DOCK4: variants seen among roughly 807,000 people sequenced by gnomAD.
DOCK4 encodes the protein dedicator of cytokinesis 4, also known as dedicator of cytokinesis protein 4.
Under a neutral mutation model 268.1 loss-of-function variants are expected in DOCK4, and 97 were observed. That is an observed-to-expected ratio of 0.36 (90% CI 0.31 to 0.43). The LOEUF (loss-of-function observed/expected upper bound fraction) is 0.43, where lower values mean the gene tolerates loss of function less well. Ranked by LOEUF, DOCK4 falls within the 20% of genes least tolerant of loss-of-function variation. The pLI, the probability that DOCK4 is intolerant of heterozygous loss-of-function variation, is 1.00. For synonymous variants in DOCK4, 954 were observed against 887.2 expected (o/e 1.08, Z -1.34); for missense variants, 2,145 against 2,455.7 (o/e 0.87, Z 2.67).
At chr7:112,004,807 G>C (rs868555743) in intron 1 of DOCK4, among the ~76,000 whole-genome samples, 1 of 152,106 alleles carries the variant, frequency 6.6e-6, no homozygotes, top group African/African-American at 2.4e-5. Flanking sequence ...CTTGGAATGG[G>C]GAGGGGGATC....
Position 111,732,261 on chromosome 7 carries a change from C to T in DOCK4, c.5446G>A (p.Val1816Ile). The change falls in exon 52 of 53, where the codon GTA becomes ATA. Residue 1816 changes from valine to isoleucine, a missense_variant. By Grantham distance (29) the Val-to-Ile change is conservative. Around this residue, in one of 2 missense-constraint regions of DOCK4, gnomAD observed 547 missense variants for 469.0 expected, o/e 1.17. Transcript: ENST00000428084. The stretch of plus-strand genomic sequence containing the variant: ...GATCGCCCGGCAGGCGAGGGGGATA[C>T]TGATGTCGTGTGTCTTGCTGGTGAA... ...TASPARHTTS[V>I]SPSPAGRSPL... 6.2e-7 allele frequency: 1 copy of T among 1,614,018 alleles called. No individual in the cohort carries two copies. The highest frequency in any genetic ancestry group is 8.5e-7 in the Non-Finnish European group (1 of 1,179,892).
At chr7:111,969,421 C>G (rs1797513436) in intron 8 of DOCK4, among the ~76,000 whole-genome samples, 1 of 137,042 alleles carries the variant, frequency 7.3e-6, no homozygotes, top group Admixed American at 6.9e-5. Context: ...AAAATAAACT[C>G]ATTTTTTCTA....
chr7:112,105,491 A>G (rs1811056930), intron 1 of DOCK4, among the ~76,000 whole-genome samples: 1 of 151,870 alleles, frequency 6.6e-6, no homozygotes, highest in Non-Finnish European at 1.5e-5. Flanking sequence ...CATTGTAACT[A>G]TATGAGTTAA....
At chr7:111,802,551 CTG>C (rs1381344978) in intron 30 of DOCK4, among the ~76,000 whole-genome samples, 3 of 152,180 alleles carry the variant, frequency 2.0e-5, no homozygotes, top group South Asian at 4.1e-4. Flanking sequence ...TCTCCCATGC[CTG>C]AGCTGGTAGA....
intron 35 of DOCK4, among the ~76,000 whole-genome samples, chr7:111,778,975 A>G (rs1351864317): frequency 6.6e-6 from 1 of 152,108 alleles, no homozygotes; most frequent in Non-Finnish European, 1.5e-5. Flanking sequence ...GAATCGCTTG[A>G]ACCCAGGAGG....
intron 10 of DOCK4, among the ~76,000 whole-genome samples, chr7:111,940,557 C>G (rs1295021605): frequency 2.0e-5 from 3 of 152,176 alleles, no homozygotes; most frequent in Admixed American, 2.0e-4. Flanking sequence ...AGGAAGTTCA[C>G]GTCACTAAAG....
At chr7:111,889,977 C>T (rs973714192) in intron 16 of DOCK4, among the ~76,000 whole-genome samples, 23 of 152,100 alleles carry the variant, frequency 1.5e-4, no homozygotes, top group African/African-American at 5.6e-4. Flanking sequence ...TTACAAAACC[C>T]CAACTTCTCC....
intron 25 of DOCK4, among the ~76,000 whole-genome samples, chr7:111,838,409 TC>T (rs1803405679): frequency 6.6e-6 from 1 of 152,116 alleles, no homozygotes; most frequent in Non-Finnish European, 1.5e-5. Flanking sequence ...AACTCAAATG[TC>T]TACCAAGAGG....
intron 21 of DOCK4, among the ~76,000 whole-genome samples, chr7:111,868,986 G>C (rs1424522549): frequency 6.6e-6 from 1 of 152,096 alleles, no homozygotes; most frequent in African/African-American, 2.4e-5. Flanking sequence ...TCAACAACAG[G>C]AATCAGAAGA....
At chr7:112,069,167 C>T (rs1258794689) in intron 1 of DOCK4, among the ~76,000 whole-genome samples, 3 of 152,138 alleles carry the variant, frequency 2.0e-5, no homozygotes, top group Admixed American at 6.6e-5. Flanking sequence ...TACACCAAGC[C>T]GTCTACGTAA....
chr7:112,138,718 A>G (rs1172136509), intron 1 of DOCK4, among the ~76,000 whole-genome samples: 2 of 152,070 alleles, frequency 1.3e-5, no homozygotes, highest in African/African-American at 2.4e-5. Flanking sequence ...CTAACCCCCA[A>G]TGTGACAGTT....
At chr7:111,809,517 C>T (rs1057226284) in intron 28 of DOCK4, 116 bp from the exon 29 acceptor site, 1 of 784,320 alleles carries the variant, frequency 1.3e-6, no homozygotes, top group East Asian at 2.7e-5. Context: ...TGAAGTAAGA[C>T]TGACCATGAG....
intron 8 of DOCK4, among the ~76,000 whole-genome samples, chr7:111,958,716 T>TATA (rs1416264016): frequency 1.3e-5 from 2 of 152,192 alleles, no homozygotes; most frequent in Non-Finnish European, 2.9e-5. Context: ...CACCTATTAT[T>TATA]ATAATAACAC....
intron 1 of DOCK4, among the ~76,000 whole-genome samples, chr7:112,057,770 G>A (rs1487278690): frequency 6.6e-6 from 1 of 151,554 alleles, no homozygotes; most frequent in Non-Finnish European, 1.5e-5. Flanking sequence ...GCAAGACCCT[G>A]TCTTTATAAA....
intron 47 of DOCK4, chr7:111,740,170 G>A (rs537729262): frequency 1.6e-4 from 66 of 408,250 alleles, no homozygotes; most frequent in African/African-American, 1.4e-3. Flanking sequence ...CATGCTCTCG[G>A]CTCACTGCAA....
chr7:111,881,898 A>G (rs907342675), intron 16 of DOCK4, among the ~76,000 whole-genome samples: 1 of 152,100 alleles, frequency 6.6e-6, no homozygotes, highest in African/African-American at 2.4e-5. Context: ...ACTCATGGAG[A>G]TGGAGAGTAG....
chr7:112,030,833 AC>A (rs1803212015), intron 1 of DOCK4, among the ~76,000 whole-genome samples: 5 of 152,320 alleles, frequency 3.3e-5, no homozygotes, highest in African/African-American at 1.2e-4. Flanking sequence ...CAGTTCATGA[AC>A]TTTTTAAAAG....
chr7:112,014,474 C>A (rs895349991), intron 1 of DOCK4, among the ~76,000 whole-genome samples: 1 of 152,100 alleles, frequency 6.6e-6, no homozygotes, highest in African/African-American at 2.4e-5. Context: ...CCAGCCCCAA[C>A]ACACACCATC....
At chr7:111,843,297 A>G (rs1054568235) in intron 25 of DOCK4, among the ~76,000 whole-genome samples, 5 of 152,238 alleles carry the variant, frequency 3.3e-5, no homozygotes, top group African/African-American at 1.2e-4. Context: ...GCTTGTTAAG[A>G]GGATGAAAAA....
Sources: allele counts gnomAD v4.1 joint callset (sites outside exome capture counted in the v4.1 genomes callset), GRCh38; gene constraint gnomAD v4.1.1; regional missense constraint gnomAD v4.1.1; transcripts MANE v1.5; gene names NCBI Gene and HGNC (gene_info 2026-07-23, HGNC 2026-07-21).